GPATCH2: variants seen among roughly 807,000 people sequenced by gnomAD.
The protein encoded by GPATCH2 is G-patch domain containing 2.
A neutral mutation model predicts 58.0 loss-of-function variants in GPATCH2; 51 were observed. The observed-to-expected ratio is 0.88, with a 90% CI of 0.70 to 1.11. The LOEUF (loss-of-function observed/expected upper bound fraction) is 1.11. Ranked by LOEUF, GPATCH2 falls within the 50% of genes most tolerant of loss-of-function variation. GPATCH2 has a pLI of 0.00. For synonymous variants in GPATCH2, 222 were observed against 218.5 expected, an observed-to-expected ratio of 1.02 and a Z score of -0.14; for missense variants, 625 against 652.2, an observed-to-expected ratio of 0.96 and a Z score of 0.45.
At position 217,448,028 on chromosome 1, in the gene GPATCH2, G is replaced by T. The variant is rs192286623; in HGVS notation, c.1366+1221C>A. ...CAGGAGAATCGCTTGAACCCTGGAGGTGGAGGTTGCAGCGAGCCAAGATCA... is the reference window on the plus strand; with the variant it reads ...CAGGAGAATCGCTTGAACCCTGGAGTTGGAGGTTGCAGCGAGCCAAGATCA... On this transcript the variant is annotated intron_variant, in intron 9 of 9. Coordinates refer to ENST00000366935, the MANE Select transcript of GPATCH2 (RefSeq NM_018040.5). Among the ~76,000 whole-genome samples, 474 of 151,718 alleles carry T rather than the reference G, an allele frequency of 3.1e-3. 3 individuals are homozygous for T. Among genetic ancestry groups the T allele is most frequent in the African/African-American group, 0.011 (459 of 41,334 alleles).
intron 1 of GPATCH2, among the ~76,000 whole-genome samples, chr1:217,629,030 T>TACACCTAC (rs1319890379): frequency 2.0e-5 from 3 of 152,136 alleles, no homozygotes; most frequent in Non-Finnish European, 2.9e-5. Flanking sequence ...CAAAGAATGA[T>TACACCTAC]ACACCTACCT....
chr1:217,627,751 T>C (rs186260793), intron 1 of GPATCH2, among the ~76,000 whole-genome samples: 348 of 152,198 alleles, frequency 2.3e-3, no homozygotes, highest in African/African-American at 8.1e-3. Context: ...TCCAAATTAG[T>C]GATTTAATAA....
At chr1:217,598,021 A>G (rs1056133555) in intron 5 of GPATCH2, among the ~76,000 whole-genome samples, 6 of 152,230 alleles carry the variant, frequency 3.9e-5, no homozygotes, top group Non-Finnish European at 7.3e-5. Flanking sequence ...TTGGAAACTA[A>G]TATTTTTCAG....
intron 5 of GPATCH2, among the ~76,000 whole-genome samples, chr1:217,527,536 T>C (rs1462195705): frequency 6.6e-6 from 1 of 151,626 alleles, no homozygotes; most frequent in Non-Finnish European, 1.5e-5. Flanking sequence ...GTTTCCACCA[T>C]GGCATCTTTT....
intron 1 of GPATCH2, among the ~76,000 whole-genome samples, chr1:217,627,484 C>T (rs1669526422): frequency 6.6e-6 from 1 of 151,950 alleles, no homozygotes; most frequent in Non-Finnish European, 1.5e-5. Flanking sequence ...AAAATTAATG[C>T]TATGTATCTG....
intron 8 of GPATCH2, among the ~76,000 whole-genome samples, chr1:217,469,869 G>T (rs945491708): frequency 3.9e-5 from 6 of 152,114 alleles, no homozygotes; most frequent in African/African-American, 1.4e-4. Flanking sequence ...TGATCAAGCA[G>T]CAGATGTTGT....
chr1:217,458,226 T>C (rs1660044683), intron 8 of GPATCH2, among the ~76,000 whole-genome samples: 1 of 152,040 alleles, frequency 6.6e-6, no homozygotes, highest in Admixed American at 6.5e-5. Flanking sequence ...CGAAACTCCG[T>C]CTCAAAAAAA....
chr1:217,563,266 A>G (rs1281167209), intron 5 of GPATCH2, among the ~76,000 whole-genome samples: 6 of 152,096 alleles, frequency 3.9e-5, no homozygotes, highest in Non-Finnish European at 8.8e-5. Context: ...AATGAATTGC[A>G]TCTAGTATAT....
intron 5 of GPATCH2, among the ~76,000 whole-genome samples, chr1:217,598,406 A>G (rs1015152210): frequency 2.0e-5 from 3 of 152,044 alleles, no homozygotes; most frequent in African/African-American, 7.2e-5. Context: ...AACAAAACAA[A>G]AAACCATAAG....
intron 5 of GPATCH2, among the ~76,000 whole-genome samples, chr1:217,549,165 T>C (rs187103955): frequency 6.6e-6 from 1 of 152,336 alleles, no homozygotes; most frequent in East Asian, 1.9e-4. Context: ...CCACAGCCTC[T>C]CAGTTCAATT....
chr1:217,559,686 A>G (rs556215580), intron 5 of GPATCH2, among the ~76,000 whole-genome samples: 4 of 152,342 alleles, frequency 2.6e-5, no homozygotes, highest in African/African-American at 9.6e-5. Flanking sequence ...TGAGAAAGAG[A>G]GCAGGTGAGC....
At chr1:217,539,456 G>A (rs1325227544) in intron 5 of GPATCH2, among the ~76,000 whole-genome samples, 1 of 152,112 alleles carries the variant, frequency 6.6e-6, no homozygotes, top group Non-Finnish European at 1.5e-5. Context: ...TACAATGGCA[G>A]GTCAAACTTT....
At chr1:217,621,989 G>A (rs1431579664) in intron 1 of GPATCH2, among the ~76,000 whole-genome samples, 5 of 152,172 alleles carry the variant, frequency 3.3e-5, no homozygotes, top group African/African-American at 7.2e-5. Flanking sequence ...AATGTGATGC[G>A]TCTAAGTAGT....
At chr1:217,610,609 T>G (rs1290310718) in intron 4 of GPATCH2, among the ~76,000 whole-genome samples, 1 of 152,184 alleles carries the variant, frequency 6.6e-6, no homozygotes, top group Non-Finnish European at 1.5e-5. Context: ...AACTAACCAG[T>G]GTTCAATCAC....
intron 6 of GPATCH2, among the ~76,000 whole-genome samples, chr1:217,509,983 C>G (rs959535625): frequency 3.3e-5 from 5 of 152,262 alleles, no homozygotes; most frequent in Middle Eastern, 3.4e-3. Flanking sequence ...ATAGCAGATA[C>G]TATTACTGCT....
rs914683225 is a variant in GPATCH2, at chr1:217,427,318, T to C, written c.*3827A>G. The C allele has an allele frequency of 6.6e-6, 1 of 152,146 alleles. No homozygotes were observed. The highest frequency in any genetic ancestry group is 2.4e-5 in the African/African-American group (1 of 41,472). The allele number at this position is 152,146 out of a possible 1,614,324, so 9.4% of individuals were successfully genotyped here. A position where few individuals can be genotyped will look rare whatever the true frequency, so the allele number is the denominator to read the frequency against. On this transcript the variant is annotated 3_prime_UTR_variant, in exon 10 of 10. Transcript: ENST00000366935. ...AGAGCAGCTCACAATCGGCTATGAA[T>C]ACATTTGTGAATCAAATACATTTAC...
intron 8 of GPATCH2, among the ~76,000 whole-genome samples, chr1:217,471,342 A>C (rs901465489): frequency 1.3e-5 from 2 of 152,204 alleles, no homozygotes; most frequent in African/African-American, 4.8e-5. Flanking sequence ...CAGTTACCCT[A>C]TCCTAATTTA....
chr1:217,605,772 G>A (rs1473264476), intron 5 of GPATCH2, among the ~76,000 whole-genome samples: 3 of 152,134 alleles, frequency 2.0e-5, no homozygotes, highest in African/African-American at 7.2e-5. Context: ...TGGCTATCTG[G>A]AATGTATGCT....
intron 5 of GPATCH2, among the ~76,000 whole-genome samples, chr1:217,596,963 T>C (rs550761111): frequency 6.6e-6 from 1 of 152,144 alleles, no homozygotes; most frequent in South Asian, 2.1e-4. Context: ...CAAAGCCCAA[T>C]TAAAATCAAT....
Sources: allele counts gnomAD v4.1 joint callset (sites outside exome capture counted in the v4.1 genomes callset), GRCh38; gene constraint gnomAD v4.1.1; transcripts MANE v1.5; gene names NCBI Gene and HGNC (gene_info 2026-07-23, HGNC 2026-07-21).